Variants in NCEH1 observed in about 807,000 individuals in gnomAD.
NCEH1 encodes 2-acetyl MAGE hydrolase.
NCEH1 carries 9 observed loss-of-function variants against 25.4 expected under a neutral mutation model. That is an observed-to-expected ratio of 0.35 (90% CI 0.21 to 0.62). NCEH1 has a LOEUF of 0.62. NCEH1 is among the 20% of genes least tolerant of loss of function. The probability of loss-of-function intolerance (pLI) is 0.72; values close to 1 mark genes in which losing one functional copy is unlikely to be tolerated. For synonymous variants in NCEH1, 200 were observed against 199.8 expected (o/e 1.00, Z -0.01); for missense variants, 412 against 501.1 (o/e 0.82, Z 1.70).
chr3:172,675,267 C>T (rs540875137), intron 1 of NCEH1, among the ~76,000 whole-genome samples: 138 of 151,928 alleles, frequency 9.1e-4, no homozygotes, highest in South Asian at 2.7e-3. Context: ...CACACCACTG[C>T]ACTCCAGCCT....
At chr3:172,704,423 G>T (rs1378158231) in intron 1 of NCEH1, among the ~76,000 whole-genome samples, 1 of 152,130 alleles carries the variant, frequency 6.6e-6, no homozygotes, top group Non-Finnish European at 1.5e-5. Flanking sequence ...GAGCTCTCTT[G>T]GGACACCATT....
chr3:172,699,691 C>T (rs957362259), intron 1 of NCEH1, among the ~76,000 whole-genome samples: 1 of 151,962 alleles, frequency 6.6e-6, no homozygotes, highest in African/African-American at 2.4e-5. Flanking sequence ...ATAGGGAGAC[C>T]TCATCTCTAC....
At chr3:172,653,735 G>GTTTTTATTT (rs780071347) in intron 1 of NCEH1, among the ~76,000 whole-genome samples, 2 of 71,026 alleles carry the variant, frequency 2.8e-5, no homozygotes, top group African/African-American at 1.0e-4. Context: ...TTGTTGTTCT[G>GTTTTTATTT]TTTTTTTTGT....
intron 1 of NCEH1, among the ~76,000 whole-genome samples, chr3:172,685,972 G>C (rs1712673278): frequency 6.6e-6 from 1 of 152,240 alleles, no homozygotes; most frequent in South Asian, 2.1e-4. Context: ...TGCAATGAGA[G>C]CAGGCTGAAG....
intron 1 of NCEH1, among the ~76,000 whole-genome samples, chr3:172,653,760 G>GTTTTTTTTTTTTTTTTTTTTTTTTTTTT (rs780425751): frequency 1.8e-5 from 1 of 54,418 alleles, no homozygotes; most frequent in African/African-American, 5.4e-5. Flanking sequence ...TTGTTTTTTT[G>GTTTTTTTTTTTTTTTTTTTTTTTTTTTT]TTTTTTTTTT....
chr3:172,671,396 T>C (rs528245797), intron 1 of NCEH1, among the ~76,000 whole-genome samples: 54 of 152,276 alleles, frequency 3.5e-4, no homozygotes, highest in African/African-American at 1.2e-3. Context: ...CTCAAAAATG[T>C]GTGAAACTTG....
rs1243473766 is a variant in NCEH1, at chr3:172,633,723, G to C, written c.979C>G (p.Leu327Val). 4 of 1,614,242 alleles carry C rather than the reference G, an allele frequency of 2.5e-6. No homozygotes were observed. Among genetic ancestry groups the C allele is most frequent in the Non-Finnish European group, 3.4e-6 (4 of 1,180,042 alleles). ...PQLLDARSAP[L>V]IADQAVLQLL... is the part of the protein sequence containing the mutation. Reference sequence around the variant, plus strand: ...TGCAGCACTGCCTGGTCTGCAATGAGTGGGGCGGAGCGGGCATCCAGCAAC... The same window carrying C: ...TGCAGCACTGCCTGGTCTGCAATGACTGGGGCGGAGCGGGCATCCAGCAAC... The change falls in exon 5 of 5, where the codon CTC (leucine) becomes GTC (valine). Residue 327 changes from leucine (L) to valine (V), a missense_variant. By Grantham distance (32) the Leu-to-Val change is conservative. This residue lies in a region of NCEH1 where 210 missense variants were observed against 258.2 expected (regional missense o/e 0.81). Transcript: ENST00000475381.
At chr3:172,700,473 T>C (rs77903146) in intron 1 of NCEH1, among the ~76,000 whole-genome samples, 3,709 of 152,290 alleles carry the variant, frequency 0.024, 84 homozygotes, top group Non-Finnish European at 0.03. Context: ...TGAATTTCTA[T>C]TGCAGTTCCC....
chr3:172,646,706 G>C (rs1717136305), intron 2 of NCEH1, among the ~76,000 whole-genome samples: 1 of 152,172 alleles, frequency 6.6e-6, no homozygotes, highest in South Asian at 2.1e-4. Flanking sequence ...TCCTCAGGCA[G>C]AAGTGATCAG....
At chr3:172,667,659 C>T (rs928133413) in intron 1 of NCEH1, among the ~76,000 whole-genome samples, 3 of 152,122 alleles carry the variant, frequency 2.0e-5, no homozygotes, top group Non-Finnish European at 4.4e-5. Context: ...CTAGGTCATA[C>T]GGAAAGGAAG....
Position 172,632,031 on chromosome 3 carries a change from AAGG to A in NCEH1, c.*1441_*1443del, listed in dbSNP as rs1577046494. On this transcript the variant is annotated 3_prime_UTR_variant, in exon 5 of 5. Transcript: ENST00000475381. ...TGTTGAAACTTCCAGACCTGGCTGG[AAGG>A]AGGAGATGGGGGATCTAGGCAACAC... 6.6e-6 allele frequency: 1 copy of A among 152,636 alleles called. No individual in the cohort carries two copies. Among genetic ancestry groups the A allele is most frequent in the Non-Finnish European group, 1.5e-5 (1 of 68,046 alleles). 9.5% of individuals were successfully genotyped at this position (152,636 alleles called of 1,614,324 possible).
At chr3:172,706,859 A>T (rs1271525972) in intron 1 of NCEH1, among the ~76,000 whole-genome samples, 1 of 152,092 alleles carries the variant, frequency 6.6e-6, no homozygotes, top group East Asian at 1.9e-4. Flanking sequence ...ATTTTACTTC[A>T]CGTTTATTAT....
intron 1 of NCEH1, among the ~76,000 whole-genome samples, chr3:172,695,096 T>C (rs916328741): frequency 2.0e-5 from 3 of 152,204 alleles, no homozygotes; most frequent in African/African-American, 4.8e-5. Flanking sequence ...AAGACACCTA[T>C]GTTTCATAAC....
At chr3:172,637,183 C>T (rs1034324145) in intron 3 of NCEH1, among the ~76,000 whole-genome samples, 1 of 152,180 alleles carries the variant, frequency 6.6e-6, no homozygotes, top group Non-Finnish European at 1.5e-5. Context: ...GTGAGGGGCA[C>T]ATAATCATCC....
At chr3:172,690,266 C>T (rs1712962788) in intron 1 of NCEH1, among the ~76,000 whole-genome samples, 1 of 152,124 alleles carries the variant, frequency 6.6e-6, no homozygotes, top group Non-Finnish European at 1.5e-5. Context: ...ATTATGCTTG[C>T]TTACTGCTCT....
intron 1 of NCEH1, among the ~76,000 whole-genome samples, chr3:172,656,292 G>C: frequency 6.6e-6 from 1 of 152,204 alleles, no homozygotes; most frequent in East Asian, 1.9e-4. Context: ...AGTTACAGAA[G>C]TAAAAGGAAT....
At chr3:172,683,239 T>A (rs1444625588) in intron 1 of NCEH1, among the ~76,000 whole-genome samples, 29 of 117,686 alleles carry the variant, frequency 2.5e-4, no homozygotes, top group Middle Eastern at 3.6e-3. Flanking sequence ...CCGTCTCTAC[T>A]AAAAATACAA....
intron 1 of NCEH1, among the ~76,000 whole-genome samples, chr3:172,698,864 C>T (rs1054310050): frequency 6.6e-6 from 1 of 152,240 alleles, no homozygotes; most frequent in Non-Finnish European, 1.5e-5. Flanking sequence ...GGGCCTGCCC[C>T]TTGCGACAGA....
chr3:172,640,683 A>G (rs1247214174), intron 3 of NCEH1, among the ~76,000 whole-genome samples: 2 of 151,902 alleles, frequency 1.3e-5, no homozygotes, highest in Admixed American at 1.3e-4. Flanking sequence ...AATTTTTTGT[A>G]TTTTTAGTAG....
Sources: gnomAD v4.1 joint callset for allele counts (sites outside exome capture counted in the v4.1 genomes callset) on GRCh38, gnomAD v4.1.1 for gene constraint, gnomAD v4.1.1 regional missense constraint, MANE v1.5 for transcripts, NCBI Gene and HGNC (gene_info 2026-07-23, HGNC 2026-07-21) for gene names.